RRM2B: variants seen among roughly 807,000 people sequenced by gnomAD.
The protein encoded by RRM2B is ribonucleoside-diphosphate reductase subunit M2 B.
Under a neutral mutation model 45.9 loss-of-function variants are expected in RRM2B, and 20 were observed. The observed-to-expected ratio is 0.44, with a 90% CI of 0.31 to 0.63. RRM2B has a LOEUF of 0.63. Ranked by LOEUF, RRM2B falls within the 30% of genes least tolerant of loss-of-function variation. The pLI, the probability that RRM2B is intolerant of heterozygous loss-of-function variation, is 0.09. For synonymous variants in RRM2B, 124 were observed against 132.3 expected, an observed-to-expected ratio of 0.94 and a Z score of 0.43; for missense variants, 320 against 414.7, an observed-to-expected ratio of 0.77 and a Z score of 1.98.
intron 3 of RRM2B, 69 bp from the exon 4 acceptor site, chr8:102,225,087 T>C: frequency 3.9e-6 from 6 of 1,540,404 alleles, no homozygotes; most frequent in Non-Finnish European, 5.4e-6. Flanking sequence ...AATCAGAATC[T>C]GGACATCAGC....
chr8:102,213,694 AAT>A (rs151074910), intron 7 of RRM2B, among the ~76,000 whole-genome samples: 10,070 of 152,184 alleles, frequency 0.066, 338 homozygotes, highest in Middle Eastern at 0.14. Context: ...CGTTATTAAA[AAT>A]ACAAAACAAA....
chr8:102,232,172 C>G lies in RRM2B; in HGVS notation c.181G>C (p.Ala61Pro). 3.1e-6 allele frequency: 5 copies of G among 1,614,124 alleles called. No individual in the cohort carries two copies. The highest frequency in any genetic ancestry group is 4.2e-6 in the Non-Finnish European group (5 of 1,179,986). Residue 61 changes from alanine (A) to proline (P), a missense_variant, in exon 2 of 9, where the codon GCT (alanine) becomes CCT (proline). Around this residue, in one of 3 missense-constraint regions of RRM2B, gnomAD observed 225 missense variants for 289.4 expected, o/e 0.78. Coordinates refer to ENST00000251810, the MANE Select transcript of RRM2B (RefSeq NM_015713.5). The stretch of plus-strand genomic sequence containing the variant: ...ACCTCTTCTGCTGTCCAGAAGGAAG[C>G]CTGTGCCTGTTTATACATTTTCCAA... ...DIWKMYKQAQ[A>P]SFWTAEEVDL...
chr8:102,228,721 T>C (rs1042512533), intron 2 of RRM2B, among the ~76,000 whole-genome samples: 4 of 152,224 alleles, frequency 2.6e-5, no homozygotes, highest in African/African-American at 4.8e-5. Flanking sequence ...CTCACCTGCA[T>C]GCTCCCTCCC....
intron 5 of RRM2B, 48 bp from the exon 6 acceptor site, chr8:102,218,995 T>C (rs778856722): frequency 9.6e-6 from 15 of 1,558,406 alleles, no homozygotes; most frequent in Admixed American, 5.0e-5. Context: ...CTGCAAACAT[T>C]TGCATATATA....
chr8:102,234,096 T>G (rs1811078387), intron 1 of RRM2B, among the ~76,000 whole-genome samples: 1 of 152,226 alleles, frequency 6.6e-6, no homozygotes, highest in Admixed American at 6.5e-5. Flanking sequence ...ACTCAAAGTA[T>G]GAAAGTTGGG....
intron 6 of RRM2B, chr8:102,214,465 C>A: frequency 3.5e-6 from 1 of 284,968 alleles, no homozygotes; most frequent in South Asian, 3.6e-5. Context: ...GCAAGAAAGC[C>A]TGAAATGAAA....
rs1370794439 is a variant in RRM2B, at chr8:102,205,587, T to A, written c.*2546A>T. On this transcript the variant is annotated 3_prime_UTR_variant, in exon 9 of 9. Transcript: ENST00000251810. The stretch of plus-strand genomic sequence containing the variant: ...ATGTGATACAATGAAACATTTTTAA[T>A]AAATGCAATCTATCATAGAACTGCA... 6.6e-6 allele frequency: 1 copy of A among 152,182 alleles called. No homozygotes were observed. Among genetic ancestry groups the A allele is most frequent in the Non-Finnish European group, 1.5e-5 (1 of 67,992 alleles). 9.4% of individuals were successfully genotyped at this position (152,182 alleles called of 1,614,324 possible).
chr8:102,212,757 A>G lies in RRM2B; in HGVS notation c.903+19T>C. 2 of 1,280,092 alleles carry G rather than the reference A, an allele frequency of 1.6e-6. No homozygotes were observed. The highest frequency in any genetic ancestry group is 2.4e-5 in the South Asian group (2 of 83,944). 79.3% of individuals were successfully genotyped at this position (1,280,092 alleles called of 1,614,324 possible). A position where few individuals can be genotyped will look rare whatever the true frequency, so the allele number is the denominator to read the frequency against. Reference sequence around the variant, plus strand: ...CTATAATATTTTAACTAGTAGTAACACATTTTTAAACACATTACCTTTGAG... The same window carrying G: ...CTATAATATTTTAACTAGTAGTAACGCATTTTTAAACACATTACCTTTGAG... On this transcript the variant is annotated intron_variant, in intron 8 of 8. Transcript: ENST00000251810.
intron 8 of RRM2B, among the ~76,000 whole-genome samples, chr8:102,209,670 A>G (rs925917347): frequency 1.3e-5 from 2 of 152,228 alleles, no homozygotes; most frequent in African/African-American, 2.4e-5. Context: ...CCACACAAAA[A>G]TGTGTAAATG....
intron 6 of RRM2B, among the ~76,000 whole-genome samples, chr8:102,215,806 T>G (rs1810719752): frequency 6.6e-6 from 1 of 151,406 alleles, no homozygotes; most frequent in Non-Finnish European, 1.5e-5. Context: ...TAACTGGATG[T>G]GGTGGTACAT....
intron 7 of RRM2B, 27 bp from the exon 8 acceptor site, chr8:102,212,916 A>G (rs1810660140): frequency 2.7e-6 from 3 of 1,117,660 alleles, no homozygotes; most frequent in Non-Finnish European, 4.1e-6. Flanking sequence ...AACAGAATAA[A>G]GTACAAACAA....
chr8:102,228,750 T>C (rs1392020703), intron 2 of RRM2B, among the ~76,000 whole-genome samples: 1 of 152,196 alleles, frequency 6.6e-6, no homozygotes, highest in Non-Finnish European at 1.5e-5. Context: ...CTGAGCGCAA[T>C]GGGTTCAAGT....
Position 102,238,860 on chromosome 8 carries a change from T to C in RRM2B, c.15A>G (p.Glu5=). 1 of 1,612,792 alleles carries C rather than the reference T, an allele frequency of 6.2e-7. No individual in the cohort carries two copies. The change falls in exon 1 of 9, where the codon GAA becomes GAG. Residue 5 remains glutamate (E), a synonymous_variant. Coordinates refer to ENST00000251810, the MANE Select transcript of RRM2B (RefSeq NM_015713.5). ...GATCCAGCCCGGCCGCTTCCGGCCT[T>C]TCCGGGTCGCCCATCGCGCAGACTC... The part of the protein sequence containing the change: MGDP[E]RPEAAGLDQD...
chr8:102,215,964 AAAG>A (rs1176344022), intron 6 of RRM2B, among the ~76,000 whole-genome samples: 74 of 150,928 alleles, frequency 4.9e-4, no homozygotes, highest in South Asian at 4.8e-3. Context: ...AAAAAAAAAA[AAAG>A]AATAGAATAA....
Position 102,205,730 on chromosome 8 carries a change from A to C in RRM2B, c.*2403T>G, listed in dbSNP as rs1810532517. The C allele has an allele frequency of 6.6e-6, 1 of 152,192 alleles. No homozygotes were observed. Among genetic ancestry groups the C allele is most frequent in the African/African-American group, 2.4e-5 (1 of 41,472 alleles). 9.4% of individuals were successfully genotyped at this position (152,192 alleles called of 1,614,324 possible). A position where few individuals can be genotyped will look rare whatever the true frequency, so the allele number is the denominator to read the frequency against. On this transcript the variant is annotated 3_prime_UTR_variant, in exon 9 of 9. Transcript: ENST00000251810. The stretch of plus-strand genomic sequence containing the variant: ...TAATTTTTTTCTTTATCTGCAAGAT[A>C]ATATTTTTAAAAGATTACACAACTT...
At chr8:102,228,072 ATG>A (rs1810964805) in intron 2 of RRM2B, among the ~76,000 whole-genome samples, 1 of 152,106 alleles carries the variant, frequency 6.6e-6, no homozygotes, top group Non-Finnish European at 1.5e-5. Flanking sequence ...TCCCACTATA[ATG>A]TTGCCCTTTC....
At chr8:102,214,520 A>C in intron 6 of RRM2B, 1 of 269,602 alleles carries the variant, frequency 3.7e-6, no homozygotes, top group Non-Finnish European at 7.4e-6. Flanking sequence ...GAATGATTGA[A>C]AAATAATTAG....
chr8:102,222,885 A>C (rs1192222692), intron 5 of RRM2B, among the ~76,000 whole-genome samples: 3 of 152,190 alleles, frequency 2.0e-5, no homozygotes, highest in Non-Finnish European at 1.5e-5. Context: ...TAATGGGTTG[A>C]TTATTGCTAT....
chr8:102,228,207 G>A lies in RRM2B; in HGVS notation c.205-2173C>T, dbSNP rs1001183151. ...ATGTCAGAGACTACGGTTGGATGTC[G>A]GAGAGAAGCAGCTTAACTTCAGAGG... On this transcript the variant is annotated intron_variant, in intron 2 of 8. Transcript: ENST00000251810. Among the ~76,000 whole-genome samples, 15 of 152,270 alleles carry A rather than the reference G, an allele frequency of 9.9e-5. 1 individual carries two copies. Among genetic ancestry groups the A allele is most frequent in the South Asian group, 8.3e-4 (4 of 4,828 alleles).
Sources: gnomAD v4.1 joint callset for allele counts (sites outside exome capture counted in the v4.1 genomes callset) on GRCh38, gnomAD v4.1.1 for gene constraint, gnomAD v4.1.1 regional missense constraint, MANE v1.5 for transcripts, NCBI Gene and HGNC (gene_info 2026-07-23, HGNC 2026-07-21) for gene names.